Variants in ARMC9 observed in about 807,000 individuals in gnomAD.
The protein encoded by ARMC9 is lisH domain-containing protein ARMC9.
ARMC9 carries 94 observed loss-of-function variants against 107.0 expected under a neutral mutation model. The ratio of observed to expected loss-of-function variants is 0.88; its 90% CI spans 0.74 to 1.04. The LOEUF (loss-of-function observed/expected upper bound fraction) is 1.04, where lower values mean the gene tolerates loss of function less well. Ranked by LOEUF, ARMC9 falls within the 50% of genes least tolerant of loss-of-function variation. The probability of loss-of-function intolerance (pLI) is 0.00; values close to 1 mark genes in which losing one functional copy is unlikely to be tolerated. For missense variants in ARMC9, 942 were observed against 1,030.1 expected, an observed-to-expected ratio of 0.91 and a Z score of 1.17; for synonymous variants, 380 against 396.9, an observed-to-expected ratio of 0.96 and a Z score of 0.51.
intron 16 of ARMC9, among the ~76,000 whole-genome samples, chr2:231,279,718 G>C (rs1050511172): frequency 6.6e-6 from 1 of 151,744 alleles, no homozygotes; most frequent in Non-Finnish European, 1.5e-5. Context: ...CACCATGTTG[G>C]CCAGGCTGGT....
intron 12 of ARMC9, among the ~76,000 whole-genome samples, chr2:231,266,350 A>T (rs2125422119): frequency 6.6e-6 from 1 of 152,328 alleles, no homozygotes; most frequent in South Asian, 2.1e-4. Flanking sequence ...ACAGCTTGAG[A>T]CCAAAAACTT....
At chr2:231,341,467 G>C (rs1168482004) in intron 20 of ARMC9, among the ~76,000 whole-genome samples, 1 of 152,208 alleles carries the variant, frequency 6.6e-6, no homozygotes, top group African/African-American at 2.4e-5. Flanking sequence ...CTGCACGGGA[G>C]TCTGGGAGGT....
intron 19 of ARMC9, among the ~76,000 whole-genome samples, chr2:231,318,304 C>T (rs2042814512): frequency 6.6e-6 from 1 of 152,124 alleles, no homozygotes; most frequent in Non-Finnish European, 1.5e-5. Context: ...AAATTGTGCT[C>T]AGATGCCTGA....
chr2:231,339,339 A>G (rs901357691), intron 20 of ARMC9, among the ~76,000 whole-genome samples: 3 of 152,206 alleles, frequency 2.0e-5, no homozygotes, highest in Non-Finnish European at 4.4e-5. Flanking sequence ...GTGAAAAAAA[A>G]AAAAATTATA....
In ARMC9 at chr2:231,362,984, C is replaced by T. The variant is rs2045653063; in HGVS notation, c.2261+2101C>T. 6.6e-6 allele frequency among the ~76,000 whole-genome samples: 1 copy of T among 152,196 alleles called. No homozygotes were observed. Among genetic ancestry groups the T allele is most frequent in the South Asian group, 2.1e-4 (1 of 4,828 alleles). ...TGGCTGCCTCTCACTGCCTCAGAGA[C>T]AAGCGCAGTGTGCAGGGCACAGAGA... is the stretch of plus-strand genomic sequence containing the variant. On this transcript the variant is annotated intron_variant, in intron 23 of 24. Transcript: ENST00000611582. This position sits in a 1 kb window ranked among gnomAD's most constrained non-coding sequence, Gnocchi z 4.7.
At chr2:231,223,166 A>G (rs773726880) in intron 6 of ARMC9, among the ~76,000 whole-genome samples, 1 of 152,246 alleles carries the variant, frequency 6.6e-6, no homozygotes, top group African/African-American at 2.4e-5. Flanking sequence ...CCTTCAGGCC[A>G]TGGCATATGG....
At chr2:231,368,479 C>A (rs983774506) in intron 23 of ARMC9, among the ~76,000 whole-genome samples, 4 of 152,114 alleles carry the variant, frequency 2.6e-5, no homozygotes, top group African/African-American at 9.7e-5. Context: ...CGACAGGCTG[C>A]ATGGATGTGT....
At position 231,256,243 on chromosome 2, in the gene ARMC9, C is replaced by T. The variant is rs1248776725; in HGVS notation, c.880-343C>T. 3.9e-5 allele frequency: 60 copies of T among 1,541,420 alleles called. 1 individual carries two copies. In the South Asian group the frequency reaches 5.3e-4, roughly 14 times the overall value. On this transcript the variant is annotated intron_variant, in intron 9 of 24. Transcript: ENST00000611582. ...CCATCATCCGCAATGTAAAAGGCCC[C>T]GTGCGCGAGGGCGACGTGCTCACCC...
At chr2:231,309,131 C>T (rs1296611876) in intron 19 of ARMC9, among the ~76,000 whole-genome samples, 2 of 152,200 alleles carry the variant, frequency 1.3e-5, no homozygotes, top group African/African-American at 2.4e-5. Flanking sequence ...CAACACTGCT[C>T]GTGTGCTCTC....
chr2:231,277,130 G>C (rs2039829971), intron 15 of ARMC9, among the ~76,000 whole-genome samples: 1 of 152,244 alleles, frequency 6.6e-6, no homozygotes, highest in South Asian at 2.1e-4. Flanking sequence ...TAAGCTGGCC[G>C]CAGTAGCAGT....
intron 14 of ARMC9, among the ~76,000 whole-genome samples, chr2:231,276,250 T>C (rs944867023): frequency 2.6e-5 from 4 of 152,070 alleles, no homozygotes; most frequent in Non-Finnish European, 4.4e-5. Flanking sequence ...TCTTTTCTGA[T>C]ATGCATTCAC....
chr2:231,328,426 A>AT (rs967242465), intron 19 of ARMC9, among the ~76,000 whole-genome samples: 5 of 151,926 alleles, frequency 3.3e-5, no homozygotes, highest in Admixed American at 6.6e-5. Context: ...CATTTTATCA[A>AT]TTTTTTCCTT....
chr2:231,322,351 A>G (rs2043046202), intron 19 of ARMC9, among the ~76,000 whole-genome samples: 1 of 152,248 alleles, frequency 6.6e-6, no homozygotes, highest in African/African-American at 2.4e-5. Flanking sequence ...ATTTTCACAA[A>G]GAGTGAGATT....
At chr2:231,206,612 G>A (rs565773590) in intron 2 of ARMC9, among the ~76,000 whole-genome samples, 2 of 152,288 alleles carry the variant, frequency 1.3e-5, no homozygotes, top group African/African-American at 4.8e-5. Context: ...TCACATGCCT[G>A]TAGTTTGTTT....
chr2:231,226,142 C>T (rs556844536), intron 6 of ARMC9, among the ~76,000 whole-genome samples: 4 of 152,330 alleles, frequency 2.6e-5, no homozygotes, highest in Admixed American at 2.6e-4. Flanking sequence ...CAGGCGTGAG[C>T]CACCACACTG....
chr2:231,213,529 T>C (rs1338074249), intron 3 of ARMC9, among the ~76,000 whole-genome samples: 2 of 148,410 alleles, frequency 1.3e-5, no homozygotes, highest in Non-Finnish European at 3.0e-5. Flanking sequence ...CAGGCTGGAG[T>C]GCAGTGGCGC....
At chr2:231,211,112 T>C (rs984175243) in intron 3 of ARMC9, among the ~76,000 whole-genome samples, 20 of 150,972 alleles carry the variant, frequency 1.3e-4, no homozygotes, top group African/African-American at 4.7e-4. Context: ...TGAATAATAA[T>C]CTGTGATATA....
chr2:231,270,538 A>G (rs1161542961), intron 12 of ARMC9: 13 of 446,806 alleles, frequency 2.9e-5, no homozygotes, highest in Admixed American at 2.0e-4. Flanking sequence ...CTGCAGTCCC[A>G]CTTCCAGAAT....
intron 19 of ARMC9, among the ~76,000 whole-genome samples, chr2:231,304,310 A>G (rs1431171222): frequency 6.6e-6 from 1 of 152,222 alleles, no homozygotes; most frequent in Non-Finnish European, 1.5e-5. Flanking sequence ...CATATTTTCA[A>G]TAGCTCTTTT....
Sources: allele counts gnomAD v4.1 joint callset (sites outside exome capture counted in the v4.1 genomes callset), GRCh38; gene constraint gnomAD v4.1.1; non-coding constraint Gnocchi (gnomAD v3.1); transcripts MANE v1.5; gene names NCBI Gene and HGNC (gene_info 2026-07-23, HGNC 2026-07-21).